Variants in HTR7 observed in about 807,000 individuals in gnomAD.
HTR7 encodes 5-HT-7.
In HTR7, 16 loss-of-function variants were observed where a neutral mutation model predicts 34.0. That is an observed-to-expected ratio of 0.47 (90% CI 0.32 to 0.71). The LOEUF is 0.71. HTR7 is among the 30% of genes least tolerant of loss of function. The pLI, the probability that HTR7 is intolerant of heterozygous loss-of-function variation, is 0.04. For synonymous variants in HTR7, 265 were observed against 260.2 expected (o/e 1.02, Z -0.18); for missense variants, 504 against 625.5 (o/e 0.81, Z 2.07).
At chr10:90,805,995 T>C (rs1223653231) in intron 1 of HTR7, among the ~76,000 whole-genome samples, 1 of 152,218 alleles carries the variant, frequency 6.6e-6, no homozygotes, top group Non-Finnish European at 1.5e-5. Context: ...AAATTAGGGT[T>C]ACTTAGTTAG....
Position 90,857,557 on chromosome 10 carries a change from G to T in HTR7, c.115C>A (p.Pro39Thr), listed in dbSNP as rs754216916. ...TGCGGCGCCCAGGAGCCCGCGACCG[G>T]GTCGGCGCCACCGTCGGGGCTCAAG... ...PDLSPDGGAD[P>T]VAGSWAPHLL... is the part of the protein sequence containing the mutation. Residue 39 changes from proline to threonine, a missense_variant, in exon 1 of 4, where the codon CCG (proline) becomes ACG (threonine). Transcript: ENST00000336152. The surrounding 1 kb of genome is among the most constrained non-coding windows in gnomAD (Gnocchi z 6.5). 3 of 1,597,692 alleles carry T rather than the reference G, an allele frequency of 1.9e-6. No individual in the cohort carries two copies. The highest frequency in any genetic ancestry group is 1.7e-6 in the Non-Finnish European group (2 of 1,173,316).
intron 1 of HTR7, among the ~76,000 whole-genome samples, chr10:90,754,870 A>T (rs1391843291): frequency 6.6e-6 from 1 of 152,202 alleles, no homozygotes; most frequent in East Asian, 1.9e-4. Context: ...GTTCAGCTTA[A>T]AAAGCGTTCA....
At chr10:90,746,739 G>C (rs1302876839) in intron 2 of HTR7, among the ~76,000 whole-genome samples, 1 of 152,088 alleles carries the variant, frequency 6.6e-6, no homozygotes, top group Non-Finnish European at 1.5e-5. Context: ...CCAGTCTAAA[G>C]CTATTATGTC....
chr10:90,833,119 CA>C (rs1430856972), intron 1 of HTR7, among the ~76,000 whole-genome samples: 1 of 152,180 alleles, frequency 6.6e-6, no homozygotes, highest in Non-Finnish European at 1.5e-5. Context: ...AGCTCGACCT[CA>C]ACTGACCTTG....
chr10:90,786,365 A>ATT (rs111810789), intron 1 of HTR7, among the ~76,000 whole-genome samples: 16 of 152,028 alleles, frequency 1.1e-4, no homozygotes, highest in African/African-American at 3.9e-4. Context: ...CAGGCCACTG[A>ATT]TTTTTTTTCC....
At chr10:90,853,740 T>C (rs1846536111) in intron 1 of HTR7, among the ~76,000 whole-genome samples, 2 of 152,352 alleles carry the variant, frequency 1.3e-5, no homozygotes, top group Admixed American at 1.3e-4. Context: ...ACAAATTGAA[T>C]ATTTAAGATC....
intron 1 of HTR7, among the ~76,000 whole-genome samples, chr10:90,778,456 T>C (rs918984233): frequency 6.6e-6 from 1 of 152,132 alleles, no homozygotes; most frequent in Non-Finnish European, 1.5e-5. Context: ...GCAGAGTCCC[T>C]ACCAGCAAGA....
chr10:90,834,462 G>A (rs932157883), intron 1 of HTR7, among the ~76,000 whole-genome samples: 13 of 152,140 alleles, frequency 8.5e-5, no homozygotes, highest in Non-Finnish European at 1.3e-4. Context: ...AAAACCTTGC[G>A]GCTTAAACCA....
At chr10:90,852,609 C>T (rs147065302) in intron 1 of HTR7, among the ~76,000 whole-genome samples, 3 of 152,196 alleles carry the variant, frequency 2.0e-5, no homozygotes, top group African/African-American at 4.8e-5. Context: ...TGTCCATCTA[C>T]GGTGAATGGA....
At chr10:90,799,335 C>CTGCA (rs1003504343) in intron 1 of HTR7, among the ~76,000 whole-genome samples, 2 of 126,752 alleles carry the variant, frequency 1.6e-5, no homozygotes, top group Non-Finnish European at 3.3e-5. Flanking sequence ...ACAGCCGGCT[C>CTGCA]TGCATGAATG....
Position 90,857,415 on chromosome 10 carries a change from G to C in HTR7, c.257C>G (p.Ser86Cys), listed in dbSNP as rs368167428. 16 of 1,613,960 alleles carry C rather than the reference G, an allele frequency of 9.9e-6. No homozygotes were observed. The highest frequency in any genetic ancestry group is 2.7e-5 in the African/African-American group (2 of 74,924). The change falls in exon 1 of 4, where the codon TCC becomes TGC. Residue 86 changes from serine to cysteine, a missense_variant. Physicochemically the swap from Ser to Cys is moderately radical, Grantham distance 112. This residue lies in a region of HTR7 where 154 missense variants were observed against 248.8 expected (regional missense o/e 0.62). Transcript: ENST00000336152. This position sits in a 1 kb window ranked among gnomAD's most constrained non-coding sequence, Gnocchi z 6.5. ...CAGCAGCGTGATGAGCGTCAGGATG[G>C]AGCCGATCACAACTTTCTCGACTCT... ...YGRVEKVVIGSILTLITLLTI... is the reference protein window; with the variant it reads ...YGRVEKVVIGCILTLITLLTI...
chr10:90,803,115 G>T (rs921053701), intron 1 of HTR7, among the ~76,000 whole-genome samples: 4 of 151,534 alleles, frequency 2.6e-5, no homozygotes, highest in Non-Finnish European at 5.9e-5. Context: ...TTGTCTGAGG[G>T]GTATAAAGGA....
chr10:90,817,542 A>G (rs548809360), intron 1 of HTR7, among the ~76,000 whole-genome samples: 3 of 152,320 alleles, frequency 2.0e-5, no homozygotes, highest in Admixed American at 1.3e-4. Flanking sequence ...CTAAACTCTC[A>G]TAAGTATGTA....
chr10:90,794,090 A>C lies in HTR7; in HGVS notation c.540-44496T>G, dbSNP rs565252651. ...ATACACCCAGGAAAAAATACTTTGCATCCTTCAATCCAATCAAATTGACAC... is the reference window on the plus strand; with the variant it reads ...ATACACCCAGGAAAAAATACTTTGCCTCCTTCAATCCAATCAAATTGACAC... On this transcript the variant is annotated intron_variant, in intron 1 of 3. Coordinates refer to ENST00000336152, the MANE Select transcript of HTR7 (RefSeq NM_019859.4). Among the ~76,000 whole-genome samples the C allele has an allele frequency of 1.4e-3, 207 of 152,316 alleles. 1 individual carries two copies. Among genetic ancestry groups the C allele is most frequent in the African/African-American group, 5.0e-3 (206 of 41,560 alleles).
In HTR7 at chr10:90,742,497, G is replaced by T. The variant is rs781053001; in HGVS notation, c.1425C>A (p.Val475=). ...TGTTCTGCTTTCAATCATGAATCAT[G>T]ACCTTTTTTTCTACAGTAGTCAGCA... ...DKMLTTVEKK[V]MIHD Residue 475 remains valine, a synonymous_variant, in exon 4 of 4, where the codon GTC becomes GTA. Coordinates refer to ENST00000336152, the MANE Select transcript of HTR7 (RefSeq NM_019859.4). 1 of 1,600,124 alleles carries T rather than the reference G, an allele frequency of 6.2e-7. No homozygotes were observed. Among genetic ancestry groups the T allele is most frequent in the Non-Finnish European group, 8.5e-7 (1 of 1,174,128 alleles).
intron 1 of HTR7, among the ~76,000 whole-genome samples, chr10:90,769,676 T>C (rs1297585029): frequency 1.3e-5 from 2 of 152,172 alleles, no homozygotes; most frequent in African/African-American, 4.8e-5. Context: ...GCCATGAGGA[T>C]AAATGAACAA....
chr10:90,787,817 G>A (rs1354781103), intron 1 of HTR7, among the ~76,000 whole-genome samples: 1 of 152,010 alleles, frequency 6.6e-6, no homozygotes, highest in Non-Finnish European at 1.5e-5. Context: ...TGTGAAACCA[G>A]GGACTCTGTC....
chr10:90,797,870 G>T (rs942672697), intron 1 of HTR7, among the ~76,000 whole-genome samples: 1 of 152,180 alleles, frequency 6.6e-6, no homozygotes, highest in South Asian at 2.1e-4. Flanking sequence ...GAAGTCCAAG[G>T]CTGAGGGACT....
At chr10:90,829,425 T>C (rs921584732) in intron 1 of HTR7, among the ~76,000 whole-genome samples, 2 of 152,052 alleles carry the variant, frequency 1.3e-5, no homozygotes, top group Non-Finnish European at 1.5e-5. Context: ...GTGAAAAACA[T>C]GCAGTTTTGT....
Sources: allele counts gnomAD v4.1 joint callset (sites outside exome capture counted in the v4.1 genomes callset), GRCh38; gene constraint gnomAD v4.1.1; regional missense constraint gnomAD v4.1.1; non-coding constraint Gnocchi (gnomAD v3.1); transcripts MANE v1.5; gene names NCBI Gene and HGNC (gene_info 2026-07-23, HGNC 2026-07-21).